The following CPA6 variants were observed in gnomAD, a reference collection of about 807,000 sequenced individuals.
CPA6 encodes the protein carboxypeptidase B.
Under a neutral mutation model 63.3 loss-of-function variants are expected in CPA6, and 58 were observed. That is an observed-to-expected ratio of 0.92 (90% CI 0.74 to 1.14). The LOEUF is 1.14. CPA6 is among the 50% of genes most tolerant of loss of function. CPA6 has a pLI of 0.00. For synonymous variants in CPA6, 185 were observed against 179.0 expected (o/e 1.03, Z -0.27); for missense variants, 565 against 526.6 (o/e 1.07, Z -0.71).
rs113663606 is a variant in CPA6 at position 67,488,734 on chromosome 8, G to A, written c.637-3945C>T. ...TGTGTCCTCTTTTATTTCGTTGAGC[G>A]GTGGTTTGTAGTTCTCCTTGAAGAG... On this transcript the variant is annotated intron_variant, in intron 6 of 10. Coordinates refer to ENST00000297770, the MANE Select transcript of CPA6 (RefSeq NM_020361.5). 7.9e-3 allele frequency among the ~76,000 whole-genome samples: 1,197 copies of A among 152,160 alleles called. 14 individuals carry two copies. Among genetic ancestry groups the A allele is most frequent in the African/African-American group, 0.027 (1,138 of 41,530 alleles).
chr8:67,721,457 T>C (rs1364814847), intron 1 of CPA6, among the ~76,000 whole-genome samples: 4 of 152,204 alleles, frequency 2.6e-5, no homozygotes, highest in Non-Finnish European at 4.4e-5. Flanking sequence ...AATATACAAC[T>C]AGGATTTGTA....
At chr8:67,554,458 C>T (rs1254823881) in intron 2 of CPA6, among the ~76,000 whole-genome samples, 2 of 152,156 alleles carry the variant, frequency 1.3e-5, no homozygotes, top group Non-Finnish European at 2.9e-5. Flanking sequence ...AGAAATCCGC[C>T]ACCATGGTCC....
rs1471002965 is a variant in CPA6 at position 67,573,162 on chromosome 8, CATT to C, written c.192+51011_192+51013del. On this transcript the variant is annotated intron_variant, in intron 2 of 10. Transcript: ENST00000297770. ...CCATATATAACAAGCCCACAGCTAA[CATT>C]ATACACAATGGTGAAAAATTAGAAA... is the stretch of plus-strand genomic sequence containing the variant. 2.0e-5 allele frequency among the ~76,000 whole-genome samples: 3 copies of C among 152,322 alleles called. No individual in the cohort carries two copies. The East Asian group carries it at 5.8e-4, about 29-fold the overall frequency.
intron 2 of CPA6, among the ~76,000 whole-genome samples, chr8:67,541,032 C>T (rs1812692795): frequency 2.0e-5 from 3 of 152,258 alleles, no homozygotes; most frequent in Admixed American, 6.5e-5. Context: ...CACTGGTGTT[C>T]CAGGCACCAC....
chr8:67,651,953 T>C (rs1247948903), intron 1 of CPA6, among the ~76,000 whole-genome samples: 1 of 151,798 alleles, frequency 6.6e-6, no homozygotes, highest in Admixed American at 6.6e-5. Context: ...CCATGTGTTC[T>C]CATTGTTCAA....
At chr8:67,678,543 T>A (rs1816527698) in intron 1 of CPA6, among the ~76,000 whole-genome samples, 1 of 152,178 alleles carries the variant, frequency 6.6e-6, no homozygotes, top group Non-Finnish European at 1.5e-5. Flanking sequence ...TCATTAGCTA[T>A]CAGAGATATG....
intron 2 of CPA6, among the ~76,000 whole-genome samples, chr8:67,523,723 C>T (rs1026686304): frequency 9.9e-5 from 15 of 152,192 alleles, no homozygotes; most frequent in Admixed American, 3.3e-4. Flanking sequence ...AAGCACTTGC[C>T]TATCTTTTAG....
At position 67,682,958 on chromosome 8, in the gene CPA6, G is replaced by A. The variant is rs75355409; in HGVS notation, c.117-58707C>T. Reference sequence around the variant, plus strand: ...ATGGATACTTAGCCGGAAGACCTGGGTGATCCCCTGCAGATCTGCAGAATA... The same window carrying A: ...ATGGATACTTAGCCGGAAGACCTGGATGATCCCCTGCAGATCTGCAGAATA... On this transcript the variant is annotated intron_variant, in intron 1 of 10. Transcript: ENST00000297770. Among the ~76,000 whole-genome samples the A allele has an allele frequency of 6.8e-3, 1,029 of 152,296 alleles. 7 individuals carry two copies. Among genetic ancestry groups the A allele is most frequent in the African/African-American group, 0.023 (971 of 41,562 alleles).
At chr8:67,722,755 A>G (rs1223992417) in intron 1 of CPA6, among the ~76,000 whole-genome samples, 1 of 152,070 alleles carries the variant, frequency 6.6e-6, no homozygotes, top group Non-Finnish European at 1.5e-5. Flanking sequence ...GGAAGAAGAG[A>G]TGCCAGGAAC....
intron 1 of CPA6, among the ~76,000 whole-genome samples, chr8:67,656,706 T>C (rs1299086306): frequency 6.6e-6 from 1 of 152,162 alleles, no homozygotes; most frequent in East Asian, 1.9e-4. Context: ...TCAATGAGAA[T>C]AGAAATGAAG....
chr8:67,713,943 T>C (rs1175635114), intron 1 of CPA6, among the ~76,000 whole-genome samples: 2 of 152,242 alleles, frequency 1.3e-5, no homozygotes, highest in African/African-American at 4.8e-5. Context: ...GGTGCTCTGG[T>C]GACTGTTAAA....
chr8:67,446,106 A>C (rs1266631883), intron 8 of CPA6, among the ~76,000 whole-genome samples: 1 of 152,038 alleles, frequency 6.6e-6, no homozygotes, highest in Non-Finnish European at 1.5e-5. Flanking sequence ...CTACTAAAAA[A>C]ATACAAAAAA....
chr8:67,683,099 C>A (rs1816632343), intron 1 of CPA6, among the ~76,000 whole-genome samples: 1 of 152,198 alleles, frequency 6.6e-6, no homozygotes, highest in African/African-American at 2.4e-5. Flanking sequence ...GCTTCCTGGA[C>A]AGTCCCTCTA....
At chr8:67,605,531 C>CTTTTTTTTTTTTTT in intron 2 of CPA6, among the ~76,000 whole-genome samples, 1 of 125,268 alleles carries the variant, frequency 8.0e-6, no homozygotes. Flanking sequence ...TATTGTATTG[C>CTTTTTTTTTTTTTT]TTTTTTTTTT....
Position 67,483,757 on chromosome 8 carries a change from C to A in CPA6, c.838+11G>T, listed in dbSNP as rs758675350. On this transcript the variant is annotated intron_variant, in intron 8 of 10. Coordinates refer to ENST00000297770, the MANE Select transcript of CPA6 (RefSeq NM_020361.5). ...CCTTTGGATCTGGATCCCAGTTGGT[C>A]CCAAACTTACCACACCACTTCACTT... is the stretch of plus-strand genomic sequence containing the variant. 1.9e-6 allele frequency: 3 copies of A among 1,612,324 alleles called. No individual in the cohort carries two copies. The highest frequency in any genetic ancestry group is 2.7e-5 in the African/African-American group (2 of 74,866).
intron 2 of CPA6, among the ~76,000 whole-genome samples, chr8:67,523,843 G>T (rs1812308791): frequency 6.6e-6 from 1 of 152,190 alleles, no homozygotes; most frequent in Non-Finnish European, 1.5e-5. Context: ...TGTGTAAGGT[G>T]CTCTGTCAAC....
Position 67,509,427 on chromosome 8 carries a change from T to G in CPA6, c.534+90A>C, listed in dbSNP as rs1036235815. 5.9e-5 allele frequency: 37 copies of G among 627,986 alleles called. No homozygotes were observed. The Admixed American group carries it at 1.1e-3, about 18-fold the overall frequency. The allele number at this position is 627,986 out of a possible 1,614,324, so 38.9% of individuals were successfully genotyped here. On this transcript the variant is annotated intron_variant, in intron 5 of 10. Transcript: ENST00000297770. ...GTTAAATATGAGACTCTATAAAAGA[T>G]CATTTCATTTCTTTTCCCATAGGTT...
chr8:67,723,812 A>G (rs1309663405), intron 1 of CPA6, among the ~76,000 whole-genome samples: 2 of 152,236 alleles, frequency 1.3e-5, no homozygotes, highest in South Asian at 4.1e-4. Context: ...AATCAGCAGG[A>G]AAACAATCCT....
At chr8:67,639,261 G>A (rs77755038) in intron 1 of CPA6, among the ~76,000 whole-genome samples, 6,930 of 151,668 alleles carry the variant, frequency 0.046, 343 homozygotes, top group South Asian at 0.11. Context: ...AACCTCTGTG[G>A]CCAGTGGTGC....
Sources: gnomAD v4.1 joint callset for allele counts (sites outside exome capture counted in the v4.1 genomes callset) on GRCh38, gnomAD v4.1.1 for gene constraint, MANE v1.5 for transcripts, NCBI Gene and HGNC (gene_info 2026-07-23, HGNC 2026-07-21) for gene names.